ADRA1D: variants seen among roughly 807,000 people sequenced by gnomAD.
ADRA1D encodes the protein adrenoceptor alpha 1D, also known as alpha-1D adrenergic receptor.
Under a neutral mutation model 18.6 loss-of-function variants are expected in ADRA1D, and 22 were observed. The ratio of observed to expected loss-of-function variants is 1.19; its 90% CI spans 0.85 to 1.69. ADRA1D has a LOEUF of 1.69. ADRA1D is among the 40% of genes most tolerant of loss of function. ADRA1D has a pLI of 0.00. For synonymous variants in ADRA1D, 376 were observed against 388.2 expected, an observed-to-expected ratio of 0.97 and a Z score of 0.37; for missense variants, 840 against 840.7, an observed-to-expected ratio of 1.00 and a Z score of 0.01.
At chr20:4,231,061 T>C (rs1320071098) in intron 1 of ADRA1D, among the ~76,000 whole-genome samples, 3 of 91,894 alleles carry the variant, frequency 3.3e-5, no homozygotes, top group African/African-American at 1.3e-4. Flanking sequence ...TTTCTTTCTT[T>C]CTTTCTCTCT....
intron 1 of ADRA1D, among the ~76,000 whole-genome samples, chr20:4,238,069 G>A (rs932803760): frequency 2.8e-5 from 4 of 144,696 alleles, no homozygotes; most frequent in African/African-American, 1.0e-4. Context: ...CCAACATGGT[G>A]AAACCCCCCC....
chr20:4,248,544 C>T lies in ADRA1D; in HGVS notation c.414G>A (p.Leu138=). ...CGCTCAGCAGCAGGTCGGCCACGGCCAGGTTCACGATGAAATAGTTGGTGA... is the reference window on the plus strand; with the variant it reads ...CGCTCAGCAGCAGGTCGGCCACGGCTAGGTTCACGATGAAATAGTTGGTGA... ...QTVTNYFIVN[L]AVADLLLSAT... is the part of the protein sequence containing the mutation. The change falls in exon 1 of 2, where the codon CTG becomes CTA. Residue 138 remains leucine, a synonymous_variant. Coordinates refer to ENST00000379453, the MANE Select transcript of ADRA1D (RefSeq NM_000678.4). 1 of 1,613,934 alleles carries T rather than the reference C, an allele frequency of 6.2e-7. No homozygotes were observed. Among genetic ancestry groups the T allele is most frequent in the Non-Finnish European group, 8.5e-7 (1 of 1,179,968 alleles).
intron 1 of ADRA1D, among the ~76,000 whole-genome samples, chr20:4,238,077 C>CT (rs1159317121): frequency 2.7e-5 from 4 of 150,294 alleles, no homozygotes; most frequent in Admixed American, 1.3e-4. Flanking sequence ...GTGAAACCCC[C>CT]CCCGTCTCTA....
chr20:4,237,397 T>C (rs1981117017), intron 1 of ADRA1D, among the ~76,000 whole-genome samples: 1 of 151,826 alleles, frequency 6.6e-6, no homozygotes, highest in African/African-American at 2.4e-5. Context: ...TGTCTCTTTC[T>C]TTAAAAACAA....
chr20:4,230,763 C>T (rs146308274), intron 1 of ADRA1D, among the ~76,000 whole-genome samples: 34 of 152,316 alleles, frequency 2.2e-4, no homozygotes, highest in African/African-American at 8.2e-4. Context: ...CAAATTCAGC[C>T]ACGTTAAGCC....
In ADRA1D at chr20:4,221,670, C is replaced by T. The variant is rs964984840; in HGVS notation, c.1572G>A (p.Gly524=). The change falls in exon 2 of 2, where the codon GGG becomes GGA. Residue 524 remains glycine (G), a synonymous_variant. Transcript: ENST00000379453. ...VSSLSHKIRA[G]GAQRAEAACA... ...ACGCTGCCTCTGCGCGCTGCGCGCCCCCGGCGCGGATCTTGTGCGACAGGC... is the reference window on the plus strand; with the variant it reads ...ACGCTGCCTCTGCGCGCTGCGCGCCTCCGGCGCGGATCTTGTGCGACAGGC... The T allele has an allele frequency of 1.4e-5, 22 of 1,612,634 alleles. No homozygotes were observed. The highest frequency in any genetic ancestry group is 1.9e-5 in the Non-Finnish European group (22 of 1,179,588).
intron 1 of ADRA1D, among the ~76,000 whole-genome samples, chr20:4,246,012 TACCATC>T (rs1408024568): frequency 2.0e-5 from 3 of 152,172 alleles, no homozygotes; most frequent in Non-Finnish European, 4.4e-5. Flanking sequence ...TAGGCATGAT[TACCATC>T]ACCCCATCTC....
chr20:4,240,677 C>T (rs2122673154), intron 1 of ADRA1D, among the ~76,000 whole-genome samples: 1 of 152,154 alleles, frequency 6.6e-6, no homozygotes, highest in Middle Eastern at 3.4e-3. Flanking sequence ...ACCTATAATC[C>T]CAGCTTCTTG....
intron 1 of ADRA1D, among the ~76,000 whole-genome samples, chr20:4,225,288 C>T (rs1049570656): frequency 1.3e-5 from 2 of 151,716 alleles, no homozygotes; most frequent in Non-Finnish European, 2.9e-5. Context: ...CGTGAGCTAC[C>T]GTGCCTGGCC....
chr20:4,231,042 C>CTTTCTT (rs1555821022), intron 1 of ADRA1D, among the ~76,000 whole-genome samples: 1 of 38,600 alleles, frequency 2.6e-5, no homozygotes, highest in Non-Finnish European at 4.3e-5. Flanking sequence ...CTTTCTTTTT[C>CTTTCTT]TTTCTTTCTT....
At chr20:4,226,932 C>T (rs1039745692) in intron 1 of ADRA1D, among the ~76,000 whole-genome samples, 1 of 152,214 alleles carries the variant, frequency 6.6e-6, no homozygotes, top group Non-Finnish European at 1.5e-5. Flanking sequence ...TCCAATCCAC[C>T]ACCTACACCG....
At chr20:4,234,274 C>G (rs1015519802) in intron 1 of ADRA1D, among the ~76,000 whole-genome samples, 2 of 152,186 alleles carry the variant, frequency 1.3e-5, no homozygotes, top group African/African-American at 2.4e-5. Context: ...ACTGGCCAAG[C>G]CTTGCTGAGG....
chr20:4,244,908 G>T (rs6052455), intron 1 of ADRA1D, among the ~76,000 whole-genome samples: 1 of 152,310 alleles, frequency 6.6e-6, no homozygotes, highest in East Asian at 1.9e-4. Context: ...TCTGCTCTGA[G>T]GCACTCGGAA....
intron 1 of ADRA1D, among the ~76,000 whole-genome samples, chr20:4,234,875 C>T (rs1191328250): frequency 6.6e-6 from 1 of 152,138 alleles, no homozygotes; most frequent in Non-Finnish European, 1.5e-5. Context: ...AGCAGGGTAC[C>T]TGACAAGTTG....
At chr20:4,241,206 C>T (rs939382383) in intron 1 of ADRA1D, among the ~76,000 whole-genome samples, 3 of 152,014 alleles carry the variant, frequency 2.0e-5, no homozygotes, top group Admixed American at 2.0e-4. Context: ...TACTCAAATG[C>T]GTAGACTCAA....
Position 4,231,267 on chromosome 20 carries a change from GTTATTATTA to G in ADRA1D, c.1112-9146_1112-9138del, listed in dbSNP as rs58687402. 2.1e-3 allele frequency among the ~76,000 whole-genome samples: 290 copies of G among 138,918 alleles called. 1 individual carries two copies. Among genetic ancestry groups the G allele is most frequent in the African/African-American group, 7.4e-3 (274 of 36,876 alleles). 91.1% of individuals were successfully genotyped at this position (138,918 alleles called of 152,430 possible). A position where few individuals can be genotyped will look rare whatever the true frequency, so the allele number is the denominator to read the frequency against. On this transcript the variant is annotated intron_variant, in intron 1 of 1. Coordinates refer to ENST00000379453, the MANE Select transcript of ADRA1D (RefSeq NM_000678.4). ...CATGTGCCACTACACCTGGCTAATT[GTTATTATTA>G]TTATTATTATTATTATTATTTTTGT... is the stretch of plus-strand genomic sequence containing the variant.
chr20:4,223,243 G>A (rs12480114), intron 1 of ADRA1D, among the ~76,000 whole-genome samples: 24,781 of 152,132 alleles, frequency 0.16, 2,303 homozygotes, highest in East Asian at 0.35. Flanking sequence ...ATACCTTAAT[G>A]CAGAAGCATA....
At chr20:4,230,334 G>A (rs1362483635) in intron 1 of ADRA1D, among the ~76,000 whole-genome samples, 2 of 152,218 alleles carry the variant, frequency 1.3e-5, no homozygotes, top group African/African-American at 4.8e-5. Flanking sequence ...GACCTCACAG[G>A]CATATCAAGC....
At chr20:4,230,692 T>G (rs1980932430) in intron 1 of ADRA1D, among the ~76,000 whole-genome samples, 1 of 152,236 alleles carries the variant, frequency 6.6e-6, no homozygotes, top group Admixed American at 6.5e-5. Context: ...CGAAACATGG[T>G]GCTGCTCACA....
Sources: allele counts gnomAD v4.1 joint callset (sites outside exome capture counted in the v4.1 genomes callset), GRCh38; gene constraint gnomAD v4.1.1; transcripts MANE v1.5; gene names NCBI Gene and HGNC (gene_info 2026-07-23, HGNC 2026-07-21).